The following PRR16 variants were observed in gnomAD, a reference collection of about 807,000 sequenced individuals.
PRR16 encodes the protein protein Largen.
A neutral mutation model predicts 18.2 loss-of-function variants in PRR16; 6 were observed. The observed-to-expected ratio is 0.33, with a 90% CI of 0.18 to 0.65. PRR16 has a LOEUF of 0.65. Ranked by LOEUF, PRR16 falls within the 30% of genes least tolerant of loss-of-function variation. The pLI is 0.74. For synonymous variants in PRR16, 151 were observed against 147.8 expected (o/e 1.02, Z -0.16); for missense variants, 412 against 376.6 (o/e 1.09, Z -0.78).
Position 120,474,330 on chromosome 5 carries a change from A to T in PRR16, c.159+9685A>T, listed in dbSNP as rs75015943. Among the ~76,000 whole-genome samples, 500 of 152,246 alleles carry T rather than the reference A, an allele frequency of 3.3e-3. 3 individuals are homozygous for T. Among genetic ancestry groups the T allele is most frequent in the African/African-American group, 0.011 (477 of 41,552 alleles). On this transcript the variant is annotated intron_variant, in intron 1 of 1. Coordinates refer to ENST00000407149, the MANE Select transcript of PRR16 (RefSeq NM_001300783.2). ...TGTGCATTGTAGGATGGTTGGCAGCATCTACAACTAGATGCCAGTAGCAAC... is the reference window on the plus strand; with the variant it reads ...TGTGCATTGTAGGATGGTTGGCAGCTTCTACAACTAGATGCCAGTAGCAAC...
intron 1 of PRR16, among the ~76,000 whole-genome samples, chr5:120,613,080 G>T (rs1042637990): frequency 6.6e-6 from 1 of 152,122 alleles, no homozygotes; most frequent in Non-Finnish European, 1.5e-5. Flanking sequence ...CATACAGTTG[G>T]CAGTTCAGCA....
chr5:120,487,002 C>T (rs1388089282), intron 1 of PRR16, among the ~76,000 whole-genome samples: 5 of 152,132 alleles, frequency 3.3e-5, no homozygotes, highest in Non-Finnish European at 7.3e-5. Context: ...TTCCATTGGT[C>T]TATATCTCTG....
At chr5:120,738,362 G>A in the PRR16 span, among the ~76,000 whole-genome samples, 1 of 151,288 alleles carries the variant, frequency 6.6e-6, no homozygotes, top group Admixed American at 6.6e-5. Flanking sequence ...TAGTATCTGG[G>A]GTTTCCAACC....
chr5:120,641,889 C>T (rs183548404), intron 1 of PRR16, among the ~76,000 whole-genome samples: 1 of 152,078 alleles, frequency 6.6e-6, no homozygotes, highest in African/African-American at 2.4e-5. Context: ...TCCAGTATGT[C>T]AAGAATGGAG....
intron 1 of PRR16, among the ~76,000 whole-genome samples, chr5:120,590,226 T>C (rs1179281033): frequency 6.6e-6 from 1 of 152,138 alleles, no homozygotes; most frequent in African/African-American, 2.4e-5. Flanking sequence ...AGGATCCAGC[T>C]CAGATTCTTG....
chr5:120,667,365 C>G (rs1411100865), intron 1 of PRR16, among the ~76,000 whole-genome samples: 2 of 151,998 alleles, frequency 1.3e-5, no homozygotes, highest in African/African-American at 4.8e-5. Flanking sequence ...ATTAGTCTTG[C>G]TAGTGGTCTA....
At chr5:120,522,370 G>A (rs1196699280) in intron 1 of PRR16, among the ~76,000 whole-genome samples, 2 of 152,150 alleles carry the variant, frequency 1.3e-5, no homozygotes, top group African/African-American at 2.4e-5. Context: ...CATTCTAACT[G>A]GTGTGAGATG....
chr5:120,732,315 A>G, the PRR16 span, among the ~76,000 whole-genome samples: 1 of 152,172 alleles, frequency 6.6e-6, no homozygotes, highest in African/African-American at 2.4e-5. Context: ...GAGTAAAGGA[A>G]TGTCCCCACT....
intron 1 of PRR16, among the ~76,000 whole-genome samples, chr5:120,569,495 T>G (rs1193524862): frequency 5.9e-5 from 9 of 152,144 alleles, no homozygotes. Flanking sequence ...GTGTGTTTAT[T>G]TAATAAAGAT....
the PRR16 span, among the ~76,000 whole-genome samples, chr5:120,720,178 G>A: frequency 6.6e-6 from 1 of 151,928 alleles, no homozygotes; most frequent in Non-Finnish European, 1.5e-5. Flanking sequence ...CTTGCTAAAT[G>A]GGACGTCAGT....
the PRR16 span, among the ~76,000 whole-genome samples, chr5:120,735,053 C>G: frequency 2.0e-5 from 3 of 152,152 alleles, 1 homozygote; most frequent in African/African-American, 7.2e-5. Context: ...TAACACCATG[C>G]TACTTTCTGT....
At chr5:120,631,337 A>T (rs1241327836) in intron 1 of PRR16, among the ~76,000 whole-genome samples, 1 of 152,130 alleles carries the variant, frequency 6.6e-6, no homozygotes, top group East Asian at 1.9e-4. Flanking sequence ...AAGAGAATCA[A>T]CAGACCTTTT....
At chr5:120,569,795 A>C (rs1752850225) in intron 1 of PRR16, among the ~76,000 whole-genome samples, 1 of 152,162 alleles carries the variant, frequency 6.6e-6, no homozygotes, top group Admixed American at 6.6e-5. Context: ...AATACATGCC[A>C]GTTAAGTATT....
chr5:120,711,625 A>G, the PRR16 span, among the ~76,000 whole-genome samples: 2 of 152,192 alleles, frequency 1.3e-5, no homozygotes, highest in Non-Finnish European at 2.9e-5. Context: ...CTATAGATAC[A>G]TCTCTCTTGG....
the PRR16 span, among the ~76,000 whole-genome samples, chr5:120,723,983 A>AC: frequency 2.6e-5 from 4 of 151,540 alleles, no homozygotes; most frequent in Non-Finnish European, 4.4e-5. Flanking sequence ...TAAAAAAAAA[A>AC]CACAAAACTA....
rs143078150 is a variant in PRR16 at position 120,672,540 on chromosome 5, A to ATATGTG, written c.160-13413_160-13412insATGTGT. 3.1e-3 allele frequency among the ~76,000 whole-genome samples: 455 copies of ATATGTG among 147,402 alleles called. 3 individuals are homozygous for ATATGTG. Among genetic ancestry groups the ATATGTG allele is most frequent in the African/African-American group, 0.011 (439 of 39,716 alleles). On this transcript the variant is annotated intron_variant, in intron 1 of 1. Transcript: ENST00000407149. ...TTAATAATTTATGTTATAGATATAT[A>ATATGTG]TGTGTGTGTGTGTGTGTGTGTGTGT...
At chr5:120,531,135 C>G (rs1032686225) in intron 1 of PRR16, among the ~76,000 whole-genome samples, 3 of 152,124 alleles carry the variant, frequency 2.0e-5, no homozygotes, top group African/African-American at 7.2e-5. Flanking sequence ...TTTAAAAACT[C>G]AGATTACAAG....
intron 1 of PRR16, among the ~76,000 whole-genome samples, chr5:120,468,970 C>T (rs182857375): frequency 5.9e-5 from 9 of 152,222 alleles, no homozygotes; most frequent in African/African-American, 2.2e-4. Flanking sequence ...TTTGTTGTTG[C>T]CTTAGAATCA....
At chr5:120,733,944 A>T in the PRR16 span, among the ~76,000 whole-genome samples, 2 of 152,148 alleles carry the variant, frequency 1.3e-5, no homozygotes, top group Non-Finnish European at 2.9e-5. Flanking sequence ...TTTTATTTCA[A>T]TCTGTGTTAT....
Sources: gnomAD v4.1 joint callset for allele counts (sites outside exome capture counted in the v4.1 genomes callset) on GRCh38, gnomAD v4.1.1 for gene constraint, MANE v1.5 for transcripts, NCBI Gene and HGNC (gene_info 2026-07-23, HGNC 2026-07-21) for gene names.